The following EFR3B variants were observed in gnomAD, a reference collection of about 807,000 sequenced individuals.
EFR3B encodes EFR3 homolog B.
A neutral mutation model predicts 104.7 loss-of-function variants in EFR3B; 64 were observed. That is an observed-to-expected ratio of 0.61 (90% CI 0.50 to 0.75). The LOEUF (loss-of-function observed/expected upper bound fraction) is 0.75. EFR3B is among the 30% of genes least tolerant of loss of function. The pLI is 0.00. For synonymous variants in EFR3B, 385 were observed against 417.9 expected, an observed-to-expected ratio of 0.92 and a Z score of 0.96; for missense variants, 750 against 1,078.5, an observed-to-expected ratio of 0.70 and a Z score of 4.27.
intron 1 of EFR3B, among the ~76,000 whole-genome samples, chr2:25,051,259 G>A (rs1180638722): frequency 2.6e-5 from 4 of 152,036 alleles, no homozygotes; most frequent in Non-Finnish European, 4.4e-5. Context: ...CTACAGGCGT[G>A]AGCCACCATG....
In EFR3B at chr2:25,042,109, C is replaced by G; in HGVS notation, c.-204C>G. On this transcript the variant is annotated 5_prime_UTR_variant, in exon 1 of 23. Transcript: ENST00000403714. This position sits in a 1 kb window ranked among gnomAD's most constrained non-coding sequence, Gnocchi z 5.4. Reference sequence around the variant, plus strand: ...CCAGCAACCCGAGCGGAGGCGGCCGCTGCAGCCCGGCGCTGAATGGGCTGG... The same window carrying G: ...CCAGCAACCCGAGCGGAGGCGGCCGGTGCAGCCCGGCGCTGAATGGGCTGG... 1 of 354,784 alleles carries G rather than the reference C, an allele frequency of 2.8e-6. No homozygotes were observed. Among genetic ancestry groups the G allele is most frequent in the Non-Finnish European group, 4.8e-6 (1 of 208,668 alleles). 22.0% of individuals were successfully genotyped at this position (354,784 alleles called of 1,614,324 possible). A position where few individuals can be genotyped will look rare whatever the true frequency, so the allele number is the denominator to read the frequency against.
intron 1 of EFR3B, among the ~76,000 whole-genome samples, chr2:25,070,000 G>A (rs571712240): frequency 6.6e-6 from 1 of 152,254 alleles, no homozygotes; most frequent in East Asian, 1.9e-4. Flanking sequence ...CCCAGCCAGG[G>A]TTGTAACTTT....
At chr2:25,046,735 C>T (rs1444587860) in intron 1 of EFR3B, among the ~76,000 whole-genome samples, 1 of 151,794 alleles carries the variant, frequency 6.6e-6, no homozygotes, top group Admixed American at 6.6e-5. Context: ...GATCTCCTGA[C>T]CTCGTGATCC....
At chr2:25,095,048 G>C (rs1669240608) in intron 3 of EFR3B, among the ~76,000 whole-genome samples, 1 of 152,070 alleles carries the variant, frequency 6.6e-6, no homozygotes, top group South Asian at 2.1e-4. Flanking sequence ...GCCTCAGCCT[G>C]CCAAAGTGTT....
intron 3 of EFR3B, among the ~76,000 whole-genome samples, chr2:25,101,090 A>G (rs1301885604): frequency 6.6e-6 from 1 of 152,214 alleles, no homozygotes; most frequent in Non-Finnish European, 1.5e-5. Context: ...TAGAGTATAA[A>G]GAAACTCAAA....
At chr2:25,057,763 C>T (rs1668062831) in intron 1 of EFR3B, among the ~76,000 whole-genome samples, 1 of 119,904 alleles carries the variant, frequency 8.3e-6, no homozygotes, top group African/African-American at 3.3e-5. Context: ...CCATCCTGAG[C>T]AACAAGAGCA....
chr2:25,079,859 A>T (rs752734130), intron 1 of EFR3B: 4 of 931,840 alleles, frequency 4.3e-6, no homozygotes, highest in Non-Finnish European at 7.0e-6. Context: ...CTTAATGATT[A>T]TAGCACATTT....
rs1262237579 is a variant in EFR3B at position 25,158,158 on chromosome 2, C to T, written c.*3818C>T. ...CCTGGGACATGATGCCTTGCAGTTTCCATTCCATTGTCCCCAGGCCTCCTG... is the reference window on the plus strand; with the variant it reads ...CCTGGGACATGATGCCTTGCAGTTTTCATTCCATTGTCCCCAGGCCTCCTG... On this transcript the variant is annotated 3_prime_UTR_variant, in exon 23 of 23. Coordinates refer to ENST00000403714, the MANE Select transcript of EFR3B (RefSeq NM_014971.2). 1 of 152,326 alleles carries T rather than the reference C, an allele frequency of 6.6e-6. No individual in the cohort carries two copies. The highest frequency in any genetic ancestry group is 1.9e-4 in the East Asian group (1 of 5,194). The allele number at this position is 152,326 out of a possible 1,614,324, so 9.4% of individuals were successfully genotyped here. A position where few individuals can be genotyped will look rare whatever the true frequency, so the allele number is the denominator to read the frequency against.
chr2:25,152,068 T>A (rs1359761455), intron 21 of EFR3B, 48 bp downstream of exon 21: 1 of 1,533,490 alleles, frequency 6.5e-7, no homozygotes, highest in Admixed American at 2.0e-5. Context: ...AAGTCAAGAC[T>A]GAATTTGGGT....
chr2:25,111,134 G>T (rs1440694720), intron 4 of EFR3B, among the ~76,000 whole-genome samples: 3 of 152,178 alleles, frequency 2.0e-5, no homozygotes, highest in Non-Finnish European at 4.4e-5. Context: ...GGGGGTTTTG[G>T]GTTGCTATAC....
At chr2:25,091,217 C>T (rs1669103885) in intron 1 of EFR3B, 108 bp from the exon 2 acceptor site, 1 of 1,063,220 alleles carries the variant, frequency 9.4e-7, no homozygotes, top group South Asian at 1.4e-5. Context: ...CTGTCTGATT[C>T]CAGCCTGTCT....
chr2:25,098,309 C>T (rs1408390042), intron 3 of EFR3B, among the ~76,000 whole-genome samples: 1 of 152,168 alleles, frequency 6.6e-6, no homozygotes, highest in Non-Finnish European at 1.5e-5. Flanking sequence ...AAGCTGCCTC[C>T]CTCATCCTGC....
At chr2:25,119,310 A>G (rs949383701) in intron 4 of EFR3B, among the ~76,000 whole-genome samples, 2 of 152,256 alleles carry the variant, frequency 1.3e-5, no homozygotes, top group African/African-American at 4.8e-5. Flanking sequence ...AGAACCTGCT[A>G]GAGCTGTGTG....
intron 1 of EFR3B, among the ~76,000 whole-genome samples, chr2:25,053,422 T>C (rs1667934696): frequency 6.6e-6 from 1 of 152,102 alleles, no homozygotes; most frequent in South Asian, 2.1e-4. Flanking sequence ...TGGGCATGCC[T>C]TTCAGAGACA....
chr2:25,069,790 G>A (rs1280804225), intron 1 of EFR3B, among the ~76,000 whole-genome samples: 3 of 152,154 alleles, frequency 2.0e-5, no homozygotes, highest in Non-Finnish European at 4.4e-5. Context: ...TCTGCCTCCC[G>A]GGTTCAGGAC....
Position 25,042,168 on chromosome 2 carries a change from C to G in EFR3B, c.-145C>G. 1.3e-6 allele frequency: 1 copy of G among 788,656 alleles called. No individual in the cohort carries two copies. The highest frequency in any genetic ancestry group is 1.7e-6 in the Non-Finnish European group (1 of 595,496). The allele number at this position is 788,656 out of a possible 1,614,324, so 48.9% of individuals were successfully genotyped here. A position where few individuals can be genotyped will look rare whatever the true frequency, so the allele number is the denominator to read the frequency against. The stretch of plus-strand genomic sequence containing the variant: ...GGCTCCGTCCTGCCCGCGGCCGGCC[C>G]CCGCGTCTGCTCCCTCCCCGCCCGG... On this transcript the variant is annotated 5_prime_UTR_variant, in exon 1 of 23. Coordinates refer to ENST00000403714, the MANE Select transcript of EFR3B (RefSeq NM_014971.2). The surrounding 1 kb of genome is among the most constrained non-coding windows in gnomAD (Gnocchi z 5.4).
At chr2:25,060,238 A>G (rs1005534143) in intron 1 of EFR3B, among the ~76,000 whole-genome samples, 4 of 152,202 alleles carry the variant, frequency 2.6e-5, no homozygotes, top group Admixed American at 2.0e-4. Context: ...AATATTATAT[A>G]TATTTTACCA....
chr2:25,098,030 GATACAC>G (rs1399507916), intron 3 of EFR3B, among the ~76,000 whole-genome samples: 1 of 152,086 alleles, frequency 6.6e-6, no homozygotes, highest in Non-Finnish European at 1.5e-5. Context: ...CCTCCTAAGA[GATACAC>G]ATTCACCAGA....
chr2:25,077,357 A>G (rs1315674698), intron 1 of EFR3B, among the ~76,000 whole-genome samples: 2 of 152,010 alleles, frequency 1.3e-5, no homozygotes, highest in Non-Finnish European at 2.9e-5. Flanking sequence ...GCACGATCTC[A>G]GCTCATTGCA....
Sources: gnomAD v4.1 joint callset for allele counts (sites outside exome capture counted in the v4.1 genomes callset) on GRCh38, gnomAD v4.1.1 for gene constraint, Gnocchi (gnomAD v3.1) non-coding constraint, MANE v1.5 for transcripts, NCBI Gene and HGNC (gene_info 2026-07-23, HGNC 2026-07-21) for gene names.